Variants in TEX9 observed in about 807,000 individuals in gnomAD.
TEX9 encodes the protein testis expressed 9.
Under a neutral mutation model 59.6 loss-of-function variants are expected in TEX9, and 74 were observed. That is an observed-to-expected ratio of 1.24 (90% confidence interval 1.03 to 1.51). The LOEUF (loss-of-function observed/expected upper bound fraction) is 1.51. TEX9 is among the 40% of genes most tolerant of loss of function. TEX9 has a pLI of 0.00. For missense variants in TEX9, 522 were observed against 447.8 expected (o/e 1.17, Z -1.49); for synonymous variants, 186 against 152.2 (o/e 1.22, Z -1.64).
chr15:56,335,930 C>A (rs1305348464), intron 1 of TEX9, among the ~76,000 whole-genome samples: 4 of 152,012 alleles, frequency 2.6e-5, no homozygotes, highest in Non-Finnish European at 5.9e-5. Context: ...AAATTACAGC[C>A]ATTTAGGTTA....
chr15:56,405,318 A>AG (rs1320777631), intron 9 of TEX9, among the ~76,000 whole-genome samples: 2 of 151,278 alleles, frequency 1.3e-5, no homozygotes, highest in Non-Finnish European at 2.9e-5. Context: ...AAGAAAAAAA[A>AG]AAAAAAAAAA....
chr15:56,346,726 T>A (rs2046478157), intron 1 of TEX9, among the ~76,000 whole-genome samples: 2 of 152,082 alleles, frequency 1.3e-5, no homozygotes, highest in African/African-American at 4.8e-5. Context: ...GTGGAAAGTC[T>A]AGACAGCACA....
intron 1 of TEX9, among the ~76,000 whole-genome samples, chr15:56,275,069 C>G (rs1229311721): frequency 6.6e-6 from 1 of 152,162 alleles, no homozygotes; most frequent in African/African-American, 2.4e-5. Flanking sequence ...TAGCCTCATT[C>G]TTCAGTAGAT....
intron 1 of TEX9, among the ~76,000 whole-genome samples, chr15:56,307,255 T>C: frequency 6.6e-6 from 1 of 152,182 alleles, no homozygotes; most frequent in East Asian, 1.9e-4. Context: ...TCAATGTTTA[T>C]CCTCTACCCT....
intron 1 of TEX9, among the ~76,000 whole-genome samples, chr15:56,357,997 G>A (rs1463320674): frequency 6.6e-6 from 1 of 152,080 alleles, no homozygotes; most frequent in African/African-American, 2.4e-5. Flanking sequence ...ATCTTAACCT[G>A]GGAATTTAGT....
intron 1 of TEX9, among the ~76,000 whole-genome samples, chr15:56,292,491 C>CT (rs1567075324): frequency 6.6e-6 from 1 of 152,160 alleles, no homozygotes; most frequent in Non-Finnish European, 1.5e-5. Context: ...AAAATAGCAA[C>CT]TACAGCCTGG....
At chr15:56,261,974 C>A (rs1177407307) in intron 1 of TEX9, among the ~76,000 whole-genome samples, 2 of 152,134 alleles carry the variant, frequency 1.3e-5, no homozygotes, top group Non-Finnish European at 2.9e-5. Context: ...ATTCCACCTT[C>A]TGGGGTGCCA....
At chr15:56,387,879 G>T (rs941632313) in intron 4 of TEX9, among the ~76,000 whole-genome samples, 11 of 151,918 alleles carry the variant, frequency 7.2e-5, no homozygotes, top group Admixed American at 2.6e-4. Flanking sequence ...AACACTCCTT[G>T]TTTGAAACTA....
chr15:56,281,808 A>G (rs1169298174), intron 1 of TEX9, among the ~76,000 whole-genome samples: 1 of 152,162 alleles, frequency 6.6e-6, no homozygotes, highest in African/African-American at 2.4e-5. Context: ...ATTATGCTTT[A>G]TAGCTCTACC....
At chr15:56,366,635 T>C (rs1474402611) in intron 2 of TEX9, among the ~76,000 whole-genome samples, 1 of 152,250 alleles carries the variant, frequency 6.6e-6, no homozygotes, top group Admixed American at 6.5e-5. Flanking sequence ...AGGCGATGTC[T>C]GTTTTATTTG....
intron 3 of TEX9, among the ~76,000 whole-genome samples, chr15:56,376,060 G>A (rs1173821011): frequency 7.1e-6 from 1 of 140,648 alleles, no homozygotes; most frequent in Non-Finnish European, 1.5e-5. Context: ...ATCACACACT[G>A]GGGACTCTTG....
intron 1 of TEX9, among the ~76,000 whole-genome samples, chr15:56,350,189 T>C (rs1410955602): frequency 6.6e-6 from 1 of 152,228 alleles, no homozygotes. Context: ...GGTGCATAGA[T>C]GCTAAATATT....
chr15:56,327,710 G>A (rs1220648606), intron 1 of TEX9, among the ~76,000 whole-genome samples: 1 of 152,134 alleles, frequency 6.6e-6, no homozygotes, highest in East Asian at 1.9e-4. Context: ...AGATTGCAGC[G>A]ATTGCAGAAC....
At chr15:56,427,917 C>T (rs1299677657) in intron 11 of TEX9, among the ~76,000 whole-genome samples, 178 bp downstream of exon 11, 1 of 151,956 alleles carries the variant, frequency 6.6e-6, no homozygotes, top group Non-Finnish European at 1.5e-5. Context: ...TATGTGTCAT[C>T]TAAGCAAGTG....
At chr15:56,382,122 C>T (rs1444493408) in intron 3 of TEX9, among the ~76,000 whole-genome samples, 4 of 152,208 alleles carry the variant, frequency 2.6e-5, no homozygotes, top group Non-Finnish European at 4.4e-5. Flanking sequence ...AGAGGAGCCT[C>T]TCCTTGTGGT....
intron 10 of TEX9, among the ~76,000 whole-genome samples, chr15:56,413,450 G>A (rs541695390): frequency 2.0e-5 from 3 of 150,988 alleles, no homozygotes; most frequent in Non-Finnish European, 3.0e-5. Context: ...TAAGCATATA[G>A]TTCAGTAGTG....
In TEX9 at chr15:56,317,822, A is replaced by G. The variant is rs148374056; in HGVS notation, c.-106-55619A>G. 1.8e-3 allele frequency among the ~76,000 whole-genome samples: 278 copies of G among 152,124 alleles called. 1 individual carries two copies. The highest frequency in any genetic ancestry group is 6.5e-3 in the African/African-American group (268 of 41,530). ...TTCCACATATCTGAGAATTTTCCAA[A>G]TTTCCTTCTCTTATTGATTTTTAAT... On this transcript the variant is annotated intron_variant, in intron 1 of 5. Coordinates refer to the TEX9 transcript ENST00000560827.
chr15:56,385,653 A>T (rs1298348865), intron 4 of TEX9, among the ~76,000 whole-genome samples: 2 of 151,880 alleles, frequency 1.3e-5, no homozygotes, highest in African/African-American at 2.4e-5. Context: ...GCTGAAATTA[A>T]ATAGGGAAGA....
intron 1 of TEX9, among the ~76,000 whole-genome samples, chr15:56,337,241 T>G (rs1344810408): frequency 6.6e-6 from 1 of 152,140 alleles, no homozygotes; most frequent in African/African-American, 2.4e-5. Flanking sequence ...CACATTCAAC[T>G]TGCACTTCTG....
Sources: allele counts gnomAD v4.1 joint callset (sites outside exome capture counted in the v4.1 genomes callset), GRCh38; gene constraint gnomAD v4.1.1; transcripts MANE v1.5; gene names NCBI Gene and HGNC (gene_info 2026-07-23, HGNC 2026-07-21).